The following AUTS2 variants were observed in gnomAD, a reference collection of about 807,000 sequenced individuals.
The protein encoded by AUTS2 is autism susceptibility gene 2 protein.
Under a neutral mutation model 112.4 loss-of-function variants are expected in AUTS2, and 17 were observed. That is an observed-to-expected ratio of 0.15 (90% CI 0.10 to 0.23). AUTS2 has a LOEUF of 0.23. Among genes scored for constraint, AUTS2 ranks in the 10% least tolerant of loss-of-function variants. AUTS2 has a pLI of 1.00. For missense variants in AUTS2, 1,510 were observed against 1,701.6 expected (o/e 0.89, Z 1.98); for synonymous variants, 751 against 702.7 (o/e 1.07, Z -1.09).
chr7:70,370,048 G>T (rs1369990393), intron 4 of AUTS2, among the ~76,000 whole-genome samples: 1 of 152,150 alleles, frequency 6.6e-6, no homozygotes, highest in Non-Finnish European at 1.5e-5. Flanking sequence ...CCTTGCAAGG[G>T]CTGTGACCAA....
At chr7:69,674,616 CA>C (rs1393951939) in intron 1 of AUTS2, among the ~76,000 whole-genome samples, 3 of 113,466 alleles carry the variant, frequency 2.6e-5, no homozygotes, top group Non-Finnish European at 5.0e-5. Flanking sequence ...GAGTTCATCA[CA>C]GGGGCATGGG....
At chr7:69,850,330 C>T (rs28812289) in intron 1 of AUTS2, among the ~76,000 whole-genome samples, 10,375 of 137,464 alleles carry the variant, frequency 0.075, 535 homozygotes, top group African/African-American at 0.14. Context: ...CAAAAAAACC[C>T]GGAGGTTGCA....
intron 1 of AUTS2, among the ~76,000 whole-genome samples, chr7:69,614,340 C>CTTTCTTTCTTTCTTAA: frequency 1.7e-5 from 1 of 60,542 alleles, no homozygotes; most frequent in South Asian, 6.4e-4. Context: ...TTCTTTCTTT[C>CTTTCTTTCTTTCTTAA]TTTCTTTCTT....
At chr7:69,935,324 G>A (rs1441985282) in intron 2 of AUTS2, among the ~76,000 whole-genome samples, 4 of 152,132 alleles carry the variant, frequency 2.6e-5, no homozygotes, top group Non-Finnish European at 5.9e-5. Context: ...AAATGAGCTT[G>A]GTGAACCTAG....
At chr7:69,857,732 G>A (rs541686654) in intron 1 of AUTS2, among the ~76,000 whole-genome samples, 3 of 152,096 alleles carry the variant, frequency 2.0e-5, no homozygotes, top group African/African-American at 7.2e-5. Context: ...CAGGAGAATG[G>A]TGTGAACCTG....
At chr7:70,670,986 AC>A (rs1170279008) in intron 5 of AUTS2, among the ~76,000 whole-genome samples, 1 of 152,206 alleles carries the variant, frequency 6.6e-6, no homozygotes, top group African/African-American at 2.4e-5. Flanking sequence ...AGCCTGGCCA[AC>A]ATGGTGAAAT....
chr7:70,182,731 G>A (rs1268776760), intron 4 of AUTS2, among the ~76,000 whole-genome samples: 2 of 151,732 alleles, frequency 1.3e-5, no homozygotes, highest in East Asian at 1.9e-4. Flanking sequence ...CCACATCAAA[G>A]TGGGATAGGT....
At chr7:69,900,787 C>G (rs1794937962) in intron 2 of AUTS2, among the ~76,000 whole-genome samples, 1 of 152,148 alleles carries the variant, frequency 6.6e-6, no homozygotes. Flanking sequence ...AAGGTAATGC[C>G]TAAATCTGAC....
chr7:70,298,334 A>C (rs1370035494), intron 4 of AUTS2, among the ~76,000 whole-genome samples: 2 of 152,142 alleles, frequency 1.3e-5, no homozygotes, highest in African/African-American at 4.8e-5. Flanking sequence ...ACCTGGCCCA[A>C]AGTCTCTTTA....
chr7:70,231,076 G>A (rs1157393371), intron 4 of AUTS2, among the ~76,000 whole-genome samples: 1 of 152,190 alleles, frequency 6.6e-6, no homozygotes, highest in Non-Finnish European at 1.5e-5. Flanking sequence ...TCAGTTTATT[G>A]CATGCCTTTG....
intron 1 of AUTS2, among the ~76,000 whole-genome samples, chr7:69,673,015 A>G (rs971868096): frequency 1.3e-5 from 2 of 152,202 alleles, no homozygotes; most frequent in Non-Finnish European, 2.9e-5. Flanking sequence ...GAGTGACTGT[A>G]TTTAGACCCA....
At chr7:70,195,519 T>C (rs1335095530) in intron 4 of AUTS2, among the ~76,000 whole-genome samples, 1 of 152,030 alleles carries the variant, frequency 6.6e-6, no homozygotes, top group African/African-American at 2.4e-5. Flanking sequence ...GGCACTGTGC[T>C]GTGTATCAGT....
In AUTS2 at chr7:70,631,762, A is replaced by T. The variant is rs1321657909; in HGVS notation, c.691-66807A>T. On this transcript the variant is annotated intron_variant, in intron 5 of 18. Coordinates refer to ENST00000342771, the MANE Select transcript of AUTS2 (RefSeq NM_015570.4). This position sits in a 1 kb window ranked among gnomAD's most constrained non-coding sequence, Gnocchi z 4.5. ...CCACAGCAAGGGGCTCAGCAGCAAAATATCCTTGAATCAATACTGCTGCTT... is the reference window on the plus strand; with the variant it reads ...CCACAGCAAGGGGCTCAGCAGCAAATTATCCTTGAATCAATACTGCTGCTT... 6.6e-6 allele frequency among the ~76,000 whole-genome samples: 1 copy of T among 152,036 alleles called. No homozygotes were observed. Among genetic ancestry groups the T allele is most frequent in the Non-Finnish European group, 1.5e-5 (1 of 67,996 alleles).
chr7:70,258,417 G>A (rs1786994710), intron 4 of AUTS2, among the ~76,000 whole-genome samples: 1 of 152,226 alleles, frequency 6.6e-6, no homozygotes, highest in East Asian at 1.9e-4. Context: ...TGGTTCAGCT[G>A]TTGCTCGGGA....
intron 2 of AUTS2, among the ~76,000 whole-genome samples, chr7:70,065,484 A>C (rs1802445801): frequency 6.6e-6 from 1 of 152,114 alleles, no homozygotes. Context: ...ACCTGAGGTC[A>C]GGAGTTCAAG....
At chr7:70,691,302 G>T (rs1228125897) in intron 5 of AUTS2, among the ~76,000 whole-genome samples, 1 of 151,856 alleles carries the variant, frequency 6.6e-6, no homozygotes, top group African/African-American at 2.4e-5. Context: ...GTGATGTTAA[G>T]AAGCCATTAG....
intron 1 of AUTS2, among the ~76,000 whole-genome samples, chr7:69,776,400 G>A (rs375860782): frequency 6.6e-6 from 1 of 152,092 alleles, no homozygotes; most frequent in South Asian, 2.1e-4. Flanking sequence ...CATTCTTGCA[G>A]GGGTTTCCCA....
intron 6 of AUTS2, among the ~76,000 whole-genome samples, chr7:70,713,120 A>T (rs1293417956): frequency 6.6e-6 from 1 of 152,192 alleles, no homozygotes; most frequent in Non-Finnish European, 1.5e-5. Context: ...GTTATGCTGT[A>T]ACCAGCTGAG....
intron 5 of AUTS2, among the ~76,000 whole-genome samples, chr7:70,620,441 G>T (rs967009501): frequency 6.6e-6 from 1 of 152,104 alleles, no homozygotes; most frequent in Non-Finnish European, 1.5e-5. Flanking sequence ...ATGGGCATCG[G>T]TGTGCAGTAG....
Sources: gnomAD v4.1 joint callset for allele counts (sites outside exome capture counted in the v4.1 genomes callset) on GRCh38, gnomAD v4.1.1 for gene constraint, Gnocchi (gnomAD v3.1) non-coding constraint, MANE v1.5 for transcripts, NCBI Gene and HGNC (gene_info 2026-07-23, HGNC 2026-07-21) for gene names.